The following GLYATL2 variants were observed in gnomAD, a reference collection of about 807,000 sequenced individuals.
GLYATL2 encodes the protein glycine-N-acyltransferase like 2.
Under a neutral mutation model 21.4 loss-of-function variants are expected in GLYATL2, and 25 were observed. The observed-to-expected ratio is 1.17, with a 90% CI of 0.85 to 1.63. The LOEUF is 1.63. Ranked by LOEUF, GLYATL2 falls within the 40% of genes most tolerant of loss-of-function variation. GLYATL2 has a pLI of 0.00. For synonymous variants in GLYATL2, 114 were observed against 118.2 expected (o/e 0.96, Z 0.23); for missense variants, 361 against 343.3 (o/e 1.05, Z -0.41).
chr11:58,849,398 G>A (rs1307021511), upstream of GLYATL2, among the ~76,000 whole-genome samples: 1 of 152,058 alleles, frequency 6.6e-6, no homozygotes, highest in Non-Finnish European at 1.5e-5. Context: ...AGGATTACAG[G>A]CATGAGCCAC....
chr11:58,845,115 G>C (rs1292182450), upstream of GLYATL2, among the ~76,000 whole-genome samples: 1 of 152,142 alleles, frequency 6.6e-6, no homozygotes, highest in African/African-American at 2.4e-5. Context: ...TTTTCAAAGT[G>C]TGTTCCTCAC....
At chr11:58,864,842 A>G (rs1853996132) in intron 1 of GLYATL2, among the ~76,000 whole-genome samples, 1 of 149,136 alleles carries the variant, frequency 6.7e-6, no homozygotes, top group African/African-American at 2.4e-5. Context: ...GTTGCACAGC[A>G]TCCAGTCAGA....
chr11:58,852,713 G>T (rs1334216045), intron 1 of GLYATL2, among the ~76,000 whole-genome samples: 1 of 152,182 alleles, frequency 6.6e-6, no homozygotes, highest in Non-Finnish European at 1.5e-5. Flanking sequence ...AGCTATTTGA[G>T]ACCATATTAT....
At chr11:58,874,333 T>C (rs1590739176) in intron 1 of GLYATL2, among the ~76,000 whole-genome samples, 1 of 152,224 alleles carries the variant, frequency 6.6e-6, no homozygotes, top group East Asian at 1.9e-4. Flanking sequence ...TCTGCTAGCT[T>C]TTGAATGTGT....
chr11:58,892,673 A>T (rs1410625691), intron 1 of GLYATL2: 12 of 354,992 alleles, frequency 3.4e-5, no homozygotes. Flanking sequence ...TCTTCAAGAA[A>T]GTTTAGGTGA....
rs183570108 is a variant in GLYATL2, at chr11:58,883,312, G to A, written n.60+20844C>T. Among the ~76,000 whole-genome samples the A allele has an allele frequency of 5.3e-3, 812 of 152,146 alleles. 8 individuals carry two copies. The highest frequency in any genetic ancestry group is 0.019 in the African/African-American group (778 of 41,516). ...TTTGAAAAGATCAACAAAATTGATAGACCAATAGCAAGACTAATAAAGAAG... is the reference window on the plus strand; with the variant it reads ...TTTGAAAAGATCAACAAAATTGATAAACCAATAGCAAGACTAATAAAGAAG... On this transcript the variant is annotated intron_variant and non_coding_transcript_variant, in intron 1 of 4. Coordinates refer to the GLYATL2 transcript ENST00000533636.
chr11:58,835,735 C>G (rs1853418326), intron 5 of GLYATL2, among the ~76,000 whole-genome samples: 1 of 152,166 alleles, frequency 6.6e-6, no homozygotes, highest in Admixed American at 6.5e-5. Flanking sequence ...TGTACCCTCT[C>G]CTGTGGATAG....
Position 58,834,597 on chromosome 11 carries a change from C to G in GLYATL2, c.717G>C (p.Leu239Phe). Residue 239 changes from leucine (L) to phenylalanine (F), a missense_variant, in exon 6 of 6, where the codon TTG (leucine) becomes TTC (phenylalanine). Transcript: ENST00000287275. Reference sequence around the variant, plus strand: ...ACTTTTCAAGATGATAACCAATTTGCAACATGTTGCCTTGGTGTCTGTATT... The same window carrying G: ...ACTTTTCAAGATGATAACCAATTTGGAACATGTTGCCTTGGTGTCTGTATT... ...VPKYRHQGNM[L>F]QIGYHLEKYL... 1 of 1,613,806 alleles carries G rather than the reference C, an allele frequency of 6.2e-7. No homozygotes were observed. The highest frequency in any genetic ancestry group is 8.5e-7 in the Non-Finnish European group (1 of 1,179,922).
In GLYATL2 at chr11:58,841,744, G is replaced by A. The variant is rs141233790; in HGVS notation, c.-40-2092C>T. Among the ~76,000 whole-genome samples the A allele has an allele frequency of 2.0e-5, 3 of 152,312 alleles. No homozygotes were observed. In the East Asian group the frequency reaches 5.8e-4, roughly 29 times the overall value. On this transcript the variant is annotated intron_variant, in intron 1 of 5. Coordinates refer to ENST00000287275, the MANE Select transcript of GLYATL2 (RefSeq NM_145016.4). Reference sequence around the variant, plus strand: ...GGCACAGCATTCTGCCCATTCTGCAGGCTTTGGTAGCATATTCCACAAAGG... The same window carrying A: ...GGCACAGCATTCTGCCCATTCTGCAAGCTTTGGTAGCATATTCCACAAAGG...
intron 1 of GLYATL2, among the ~76,000 whole-genome samples, chr11:58,863,051 G>A (rs2849849): frequency 0.87 from 132,348 of 152,156 alleles, 58,782 homozygotes; most frequent in Non-Finnish European, 0.96. Context: ...CTAGCCTGGT[G>A]CCTGTGTCAG....
chr11:58,834,466 C>A lies in GLYATL2; in HGVS notation c.848G>T (p.Trp283Leu). The change falls in exon 6 of 6, where the codon TGG (tryptophan) becomes TTG (leucine). Residue 283 changes from tryptophan (W) to leucine (L), a missense_variant. Trp to Leu is a moderately conservative substitution (Grantham distance 61). Coordinates refer to ENST00000287275, the MANE Select transcript of GLYATL2 (RefSeq NM_145016.4). The stretch of plus-strand genomic sequence containing the variant: ...CTTGGGGGTGCATTTCCACTGATGC[C>A]AGCCACAAGGACAAATCTTAAACCC... The part of the protein sequence containing the change: ...NLGFKICPCG[W>L]HQWKCTPKKY... The A allele has an allele frequency of 6.2e-7, 1 of 1,603,022 alleles. No homozygotes were observed. Among genetic ancestry groups the A allele is most frequent in the Non-Finnish European group, 8.5e-7 (1 of 1,175,010 alleles).
intron 1 of GLYATL2, among the ~76,000 whole-genome samples, chr11:58,877,535 G>A (rs943692474): frequency 2.6e-5 from 4 of 152,164 alleles, no homozygotes; most frequent in African/African-American, 9.7e-5. Context: ...TTAAGAAATT[G>A]GGGAGAAAAG....
chr11:58,902,302 G>A (rs1187661605), intron 1 of GLYATL2, among the ~76,000 whole-genome samples: 1 of 152,056 alleles, frequency 6.6e-6, no homozygotes, highest in African/African-American at 2.4e-5. Flanking sequence ...CCTTATGTCT[G>A]ACACATCCCC....
At chr11:58,886,956 G>A (rs1194523725) in intron 1 of GLYATL2, among the ~76,000 whole-genome samples, 2 of 152,206 alleles carry the variant, frequency 1.3e-5, no homozygotes, top group African/African-American at 2.4e-5. Flanking sequence ...ACCTTCCCTA[G>A]GGATGTTTGT....
chr11:58,873,883 C>G (rs1160665117), intron 1 of GLYATL2, among the ~76,000 whole-genome samples: 1 of 152,120 alleles, frequency 6.6e-6, no homozygotes, highest in East Asian at 1.9e-4. Flanking sequence ...CCTTGTACTT[C>G]TGGTAGAATT....
upstream of GLYATL2, among the ~76,000 whole-genome samples, chr11:58,904,735 C>T (rs1854818627): frequency 6.6e-6 from 1 of 150,956 alleles, no homozygotes; most frequent in Middle Eastern, 3.4e-3. Flanking sequence ...CCACAAGACC[C>T]GTGTAATTTA....
intron 1 of GLYATL2, among the ~76,000 whole-genome samples, chr11:58,873,652 G>A (rs556309963): frequency 6.6e-6 from 1 of 152,292 alleles, no homozygotes; most frequent in East Asian, 1.9e-4. Flanking sequence ...GATCATGGTG[G>A]ATAAGCTTTT....
chr11:58,838,234 C>T (rs1015287451), intron 3 of GLYATL2, 27 bp downstream of exon 3: 9 of 1,438,806 alleles, frequency 6.3e-6, no homozygotes, highest in Non-Finnish European at 8.8e-6. Context: ...AGTGACTACC[C>T]TCATATTCAG....
At chr11:58,870,112 A>C (rs1854091621) in intron 1 of GLYATL2, among the ~76,000 whole-genome samples, 1 of 152,176 alleles carries the variant, frequency 6.6e-6, no homozygotes, top group African/African-American at 2.4e-5. Context: ...TGTAAAAAAA[A>C]AAATTACAGG....
Sources: gnomAD v4.1 joint callset for allele counts (sites outside exome capture counted in the v4.1 genomes callset) on GRCh38, gnomAD v4.1.1 for gene constraint, MANE v1.5 for transcripts, NCBI Gene and HGNC (gene_info 2026-07-23, HGNC 2026-07-21) for gene names.